Variants in ZNF317 observed in about 807,000 individuals in gnomAD.
ZNF317 encodes the protein zinc finger protein 317.
In ZNF317, 17 loss-of-function variants were observed where a neutral mutation model predicts 23.4. The observed-to-expected ratio is 0.73, with a 90% CI of 0.50 to 1.09. The LOEUF is 1.09. Among genes scored for constraint, ZNF317 ranks in the 50% least tolerant of loss-of-function variants. ZNF317 has a pLI of 0.00. For missense variants in ZNF317, 679 were observed against 796.7 expected, an observed-to-expected ratio of 0.85 and a Z score of 1.78; for synonymous variants, 317 against 314.9, an observed-to-expected ratio of 1.01 and a Z score of -0.07.
chr19:9,143,399 T>C (rs2050651906), intron 1 of ZNF317, among the ~76,000 whole-genome samples: 1 of 152,194 alleles, frequency 6.6e-6, no homozygotes. Context: ...GGGATGTTTC[T>C]TTCCAGTTTC....
intron 1 of ZNF317, among the ~76,000 whole-genome samples, chr19:9,148,073 T>C (rs1325121287): frequency 6.6e-6 from 1 of 152,128 alleles, no homozygotes; most frequent in Non-Finnish European, 1.5e-5. Context: ...CCTGCTTCCC[T>C]TTTGCCTTCT....
chr19:9,148,101 C>T (rs926834992), intron 1 of ZNF317, among the ~76,000 whole-genome samples: 2 of 152,292 alleles, frequency 1.3e-5, no homozygotes, highest in Admixed American at 6.5e-5. Flanking sequence ...TTGGAAGCTT[C>T]CTGAGGCCTC....
intron 1 of ZNF317, among the ~76,000 whole-genome samples, chr19:9,149,753 C>T (rs1349523165): frequency 1.3e-5 from 2 of 152,100 alleles, no homozygotes; most frequent in African/African-American, 4.8e-5. Context: ...GGGACACCAT[C>T]AGAGGATCTT....
rs551378590 is a variant in ZNF317 at position 9,151,994 on chromosome 19, C to T, written c.-92-3931C>T. On this transcript the variant is annotated intron_variant, in intron 1 of 6. Transcript: ENST00000247956. ...CAATCTCGGCTCACTGCAAGCTCCG[C>T]CTCCCAGGTTCACACCATTCTCCTG... Among the ~76,000 whole-genome samples, 7 of 151,190 alleles carry T rather than the reference C, an allele frequency of 4.6e-5. No homozygotes were observed. The East Asian group carries it at 1.2e-3, about 26-fold the overall frequency.
intron 1 of ZNF317, among the ~76,000 whole-genome samples, chr19:9,140,885 G>A (rs1449855166): frequency 1.3e-5 from 2 of 152,134 alleles, no homozygotes; most frequent in Non-Finnish European, 2.9e-5. Context: ...GAGTTTGGGG[G>A]CAGTTCAGGA....
At chr19:9,154,305 A>G (rs1479549416) in intron 1 of ZNF317, among the ~76,000 whole-genome samples, 1 of 152,160 alleles carries the variant, frequency 6.6e-6, no homozygotes. Context: ...TGAATTTTTG[A>G]CAATTGTGTA....
chr19:9,153,617 G>A (rs2050756023), intron 1 of ZNF317, among the ~76,000 whole-genome samples: 1 of 152,198 alleles, frequency 6.6e-6, no homozygotes, highest in South Asian at 2.1e-4. Context: ...GCATGCGAAG[G>A]AATGGGTAAA....
rs1389316847 is a variant in ZNF317 at position 9,161,079 on chromosome 19, C to T, written c.1434C>T (p.Ala478=). 2.5e-6 allele frequency: 4 copies of T among 1,614,082 alleles called. No homozygotes were observed. In the Admixed American group the frequency reaches 5.0e-5, roughly 20 times the overall value. The change falls in exon 7 of 7, where the codon GCC becomes GCT. Residue 478 remains alanine, a synonymous_variant. Transcript: ENST00000247956. This position sits in a 1 kb window ranked among gnomAD's most constrained non-coding sequence, Gnocchi z 4.0. Reference sequence around the variant, plus strand: ...AAGAGAGACGCTACGAATGCGCCGCCTGCGGGAAAGTCTTCGGTGACTATT... The same window carrying T: ...AAGAGAGACGCTACGAATGCGCCGCTTGCGGGAAAGTCTTCGGTGACTATT... ...HTQERRYECA[A]CGKVFGDYLS... is the part of the protein sequence containing the mutation.
At position 9,160,849 on chromosome 19, in the gene ZNF317, C is replaced by G. The variant is rs1456275584; in HGVS notation, c.1204C>G (p.Leu402Val). The change falls in exon 7 of 7, where the codon CTC becomes GTC. Residue 402 changes from leucine to valine, a missense_variant. Transcript: ENST00000247956. This position sits in a 1 kb window ranked among gnomAD's most constrained non-coding sequence, Gnocchi z 6.8. Reference protein sequence around the residue: ...CKECGKSFGDLVSRRKHMRIH... With the variant: ...CKECGKSFGDVVSRRKHMRIH... ...AGAATGCGGGAAATCCTTTGGCGAT[C>G]TCGTGTCCCGGAGGAAACACATGAG... is the stretch of plus-strand genomic sequence containing the variant. The G allele has an allele frequency of 6.2e-7, 1 of 1,614,188 alleles. No homozygotes were observed.
In ZNF317 at chr19:9,160,976, A is replaced by G. The variant is rs750081571; in HGVS notation, c.1331A>G (p.Lys444Arg). 5 of 1,614,196 alleles carry G rather than the reference A, an allele frequency of 3.1e-6. No homozygotes were observed. In the East Asian group the frequency reaches 8.9e-5, roughly 29 times the overall value. The change falls in exon 7 of 7, where the codon AAA (lysine) becomes AGA (arginine). Residue 444 changes from lysine to arginine, a missense_variant. Coordinates refer to ENST00000247956, the MANE Select transcript of ZNF317 (RefSeq NM_020933.5). This position sits in a 1 kb window ranked among gnomAD's most constrained non-coding sequence, Gnocchi z 6.8. ...KTHMNSHTGE[K>R]PYGCDLCGKA... is the part of the protein sequence containing the mutation. ...CACATGAACTCTCACACTGGAGAGA[A>G]ACCATACGGGTGCGATCTCTGCGGG...
At chr19:9,156,844 C>A in intron 3 of ZNF317, 96 bp downstream of exon 3, 1 of 1,436,058 alleles carries the variant, frequency 7.0e-7, no homozygotes. Flanking sequence ...TCATCTCAGC[C>A]AGTGGATGCC....
chr19:9,149,075 C>A (rs966508408), intron 1 of ZNF317, among the ~76,000 whole-genome samples: 2 of 152,154 alleles, frequency 1.3e-5, no homozygotes, highest in Non-Finnish European at 2.9e-5. Flanking sequence ...CGTAAACTTT[C>A]CATTTTATTG....
intron 1 of ZNF317, among the ~76,000 whole-genome samples, chr19:9,148,872 A>G (rs2050711508): frequency 1.3e-5 from 2 of 152,176 alleles, no homozygotes; most frequent in Non-Finnish European, 2.9e-5. Context: ...GCATGTGACT[A>G]GTTCTGGCCA....
At chr19:9,157,681 C>CTTTTTTTTTTTTTTTTTTTTTTTTTT (rs566513253) in intron 4 of ZNF317, 1 of 335,412 alleles carries the variant, frequency 3.0e-6, no homozygotes, top group Non-Finnish European at 4.6e-6. Context: ...TTTCCTATTT[C>CTTTTTTTTTTTTTTTTTTTTTTTTTT]TTTTTTTTTT....
intron 1 of ZNF317, among the ~76,000 whole-genome samples, chr19:9,150,413 G>T (rs2050726339): frequency 6.6e-6 from 1 of 152,192 alleles, no homozygotes; most frequent in Non-Finnish European, 1.5e-5. Flanking sequence ...TGACTCTTGG[G>T]AGGGGAATGA....
Position 9,156,058 on chromosome 19 carries a change from G to T in ZNF317, c.25+17G>T. 1 of 1,614,138 alleles carries T rather than the reference G, an allele frequency of 6.2e-7. No individual in the cohort carries two copies. Among genetic ancestry groups the T allele is most frequent in the South Asian group, 1.1e-5 (1 of 91,082 alleles). ...CCACATTTGGTAAGTTCTTGGGTCA[G>T]TGCGTGCCCTGAGAAAGTGAGTGCA... On this transcript the variant is annotated intron_variant, in intron 2 of 6. Coordinates refer to ENST00000247956, the MANE Select transcript of ZNF317 (RefSeq NM_020933.5).
chr19:9,161,268 A>T lies in ZNF317; in HGVS notation c.1623A>T (p.Ile541=), dbSNP rs1221923791. The part of the protein sequence containing the change: ...ECDHCGKAFS[I]GSNLNVHRRI... The stretch of plus-strand genomic sequence containing the variant: ...ATCACTGTGGGAAGGCCTTCAGCAT[A>T]GGCTCCAACCTGAATGTGCACAGGC... The change falls in exon 7 of 7, where the codon ATA becomes ATT. Residue 541 remains isoleucine, a synonymous_variant. Coordinates refer to ENST00000247956, the MANE Select transcript of ZNF317 (RefSeq NM_020933.5). The surrounding 1 kb of genome is among the most constrained non-coding windows in gnomAD (Gnocchi z 4.0). The T allele has an allele frequency of 1.2e-6, 2 of 1,613,464 alleles. No individual in the cohort carries two copies. Among genetic ancestry groups the T allele is most frequent in the Non-Finnish European group, 1.7e-6 (2 of 1,179,714 alleles).
chr19:9,150,333 A>G (rs913581350), intron 1 of ZNF317, among the ~76,000 whole-genome samples: 1 of 152,252 alleles, frequency 6.6e-6, no homozygotes, highest in Non-Finnish European at 1.5e-5. Flanking sequence ...TACTGAGCCT[A>G]TAGAGTTCCA....
intron 1 of ZNF317, among the ~76,000 whole-genome samples, chr19:9,141,420 T>C (rs1399627458): frequency 1.3e-5 from 2 of 152,236 alleles, no homozygotes; most frequent in African/African-American, 4.8e-5. Flanking sequence ...ACTGTCTCCG[T>C]GGATTTGACT....
Sources: gnomAD v4.1 joint callset for allele counts (sites outside exome capture counted in the v4.1 genomes callset) on GRCh38, gnomAD v4.1.1 for gene constraint, Gnocchi (gnomAD v3.1) non-coding constraint, MANE v1.5 for transcripts, NCBI Gene and HGNC (gene_info 2026-07-23, HGNC 2026-07-21) for gene names.